The following NDUFAF6 variants were observed in gnomAD, a reference collection of about 807,000 sequenced individuals.
NDUFAF6 encodes the protein NADH:ubiquinone oxidoreductase complex assembly factor 6.
NDUFAF6 carries 45 observed loss-of-function variants against 40.8 expected under a neutral mutation model. The ratio of observed to expected loss-of-function variants is 1.10; its 90% CI spans 0.87 to 1.42. NDUFAF6 has a LOEUF of 1.42. NDUFAF6 is among the 40% of genes most tolerant of loss of function. NDUFAF6 has a pLI of 0.00. For synonymous variants in NDUFAF6, 185 were observed against 155.9 expected, an observed-to-expected ratio of 1.19 and a Z score of -1.39; for missense variants, 435 against 418.5, an observed-to-expected ratio of 1.04 and a Z score of -0.34.
At chr8:94,994,477 G>A (rs1211135525) in intron 2 of NDUFAF6, among the ~76,000 whole-genome samples, 1 of 151,872 alleles carries the variant, frequency 6.6e-6, no homozygotes, top group Non-Finnish European at 1.5e-5. Flanking sequence ...CTTCAACCTG[G>A]GAGGCAGAAG....
downstream of NDUFAF6, among the ~76,000 whole-genome samples, chr8:95,063,623 A>G (rs930800943): frequency 6.6e-6 from 1 of 152,140 alleles, no homozygotes; most frequent in Non-Finnish European, 1.5e-5. Flanking sequence ...AAACAAAAAA[A>G]CAGTCCTGCC....
At chr8:95,088,490 A>G (rs1809124184) in intron 2 of NDUFAF6, among the ~76,000 whole-genome samples, 1 of 151,954 alleles carries the variant, frequency 6.6e-6, no homozygotes, top group Non-Finnish European at 1.5e-5. Context: ...AAACACACCT[A>G]CCTCATCAGT....
At chr8:94,930,433 A>G (rs1820277270) in intron 1 of NDUFAF6, 2 of 1,609,012 alleles carry the variant, frequency 1.2e-6, no homozygotes, top group African/African-American at 2.7e-5. Context: ...ACATCCATAC[A>G]TGTAAGCACA....
downstream of NDUFAF6, among the ~76,000 whole-genome samples, chr8:95,078,301 G>T (rs939428044): frequency 6.6e-6 from 1 of 152,092 alleles, no homozygotes; most frequent in Non-Finnish European, 1.5e-5. Flanking sequence ...AATGCATAAT[G>T]TCATGTATCC....
chr8:95,001,429 C>G (rs924594091), intron 2 of NDUFAF6, among the ~76,000 whole-genome samples: 1 of 152,146 alleles, frequency 6.6e-6, no homozygotes, highest in Non-Finnish European at 1.5e-5. Flanking sequence ...GAGTTGAGCA[C>G]CAGGCCCTCA....
chr8:94,928,771 A>C (rs922611587), intron 1 of NDUFAF6: 2 of 152,260 alleles, frequency 1.3e-5, no homozygotes, highest in African/African-American at 4.8e-5. Flanking sequence ...TCTTCGCTGA[A>C]AGTCCCCCAG....
intron 8 of NDUFAF6, among the ~76,000 whole-genome samples, chr8:95,055,554 A>G (rs1237903558): frequency 6.6e-6 from 1 of 152,188 alleles, no homozygotes; most frequent in Non-Finnish European, 1.5e-5. Flanking sequence ...AATGTCATAA[A>G]GCTATTAAAA....
At chr8:94,990,990 C>T (rs868275221) in intron 2 of NDUFAF6, among the ~76,000 whole-genome samples, 4 of 152,236 alleles carry the variant, frequency 2.6e-5, no homozygotes, top group Admixed American at 6.5e-5. Flanking sequence ...ATTTTCCTCC[C>T]TGTACCTCTA....
intron 2 of NDUFAF6, among the ~76,000 whole-genome samples, chr8:94,985,747 T>G (rs1348153488): frequency 6.6e-6 from 1 of 150,546 alleles, no homozygotes; most frequent in Non-Finnish European, 1.5e-5. Flanking sequence ...TGTTGGCCAG[T>G]CTGGTCTCAA....
Position 95,052,182 on chromosome 8 carries a change from C to G in NDUFAF6, c.825C>G (p.Ser275=). Residue 275 remains serine (S), a synonymous_variant, in exon 8 of 9, where the codon TCC becomes TCG. Transcript: ENST00000396124. ...CTCCTCTTCCTTTTTAGGCTAGGTC[C>G]TTTCACAAAACTGTTCCTGTGAAAG... ...QAHLHLKHAR[S]FHKTVPVKAF... 6.2e-7 allele frequency: 1 copy of G among 1,614,100 alleles called. No homozygotes were observed. The highest frequency in any genetic ancestry group is 8.5e-7 in the Non-Finnish European group (1 of 1,179,994).
At chr8:95,113,513 C>T (rs969100542) in intron 4 of NDUFAF6, among the ~76,000 whole-genome samples, 1 of 152,174 alleles carries the variant, frequency 6.6e-6, no homozygotes, top group Non-Finnish European at 1.5e-5. Context: ...GGAATTGTAT[C>T]CAGGTTCCGG....
At chr8:94,918,220 C>A (rs1375094357) in intron 1 of NDUFAF6, among the ~76,000 whole-genome samples, 3 of 152,164 alleles carry the variant, frequency 2.0e-5, no homozygotes, top group Non-Finnish European at 4.4e-5. Context: ...GACACAAAAC[C>A]AGCCTCAAAG....
rs1832422333 is a variant in NDUFAF6, at chr8:95,058,134, A to G, written c.*197A>G. On this transcript the variant is annotated 3_prime_UTR_variant, in exon 9 of 9. Coordinates refer to ENST00000396124, the MANE Select transcript of NDUFAF6 (RefSeq NM_152416.4). ...CTGAGATTCTGGCAGAGGCACTGCC[A>G]TTGGCACCCCTGGCCCAGACAGTGT... 5 of 1,445,388 alleles carry G rather than the reference A, an allele frequency of 3.5e-6. No homozygotes were observed. Among genetic ancestry groups the G allele is most frequent in the Non-Finnish European group, 4.5e-6 (5 of 1,110,278 alleles). 89.5% of individuals were successfully genotyped at this position (1,445,388 alleles called of 1,614,324 possible).
chr8:95,005,269 G>A (rs1165778942), intron 2 of NDUFAF6, among the ~76,000 whole-genome samples: 1 of 152,082 alleles, frequency 6.6e-6, no homozygotes, highest in African/African-American at 2.4e-5. Flanking sequence ...ATCTTGAGAT[G>A]TGACAAAGAG....
At chr8:94,993,238 T>C (rs1312409614) in intron 2 of NDUFAF6, among the ~76,000 whole-genome samples, 1 of 152,138 alleles carries the variant, frequency 6.6e-6, no homozygotes, top group African/African-American at 2.4e-5. Context: ...TCTAACAAGC[T>C]CAGTTTTAAC....
chr8:94,981,362 C>T (rs934378264), intron 2 of NDUFAF6, among the ~76,000 whole-genome samples: 3 of 152,188 alleles, frequency 2.0e-5, no homozygotes, highest in Non-Finnish European at 4.4e-5. Context: ...AACTGTGAGC[C>T]TAATAAACCT....
chr8:94,913,289 C>T (rs1453437344), intron 1 of NDUFAF6, among the ~76,000 whole-genome samples: 4 of 152,132 alleles, frequency 2.6e-5, no homozygotes, highest in African/African-American at 9.7e-5. Flanking sequence ...CGTTGCCCCC[C>T]ATGTCATAAT....
chr8:95,094,417 AT>A lies in NDUFAF6; in HGVS notation n.214-6702del, dbSNP rs1307165885. 9.0e-3 allele frequency among the ~76,000 whole-genome samples: 559 copies of A among 61,996 alleles called. 2 individuals carry two copies. The highest frequency in any genetic ancestry group is 0.026 in the African/African-American group (405 of 15,732). 40.7% of individuals were successfully genotyped at this position (61,996 alleles called of 152,430 possible). The stretch of plus-strand genomic sequence containing the variant: ...TTTTCTTTCTTTTTTTTTTTTTTGG[AT>A]TTTTTTTTTTTTGAGACAGAGTCTC... On this transcript the variant is annotated intron_variant and non_coding_transcript_variant, in intron 2 of 5. Transcript: ENST00000523184.
chr8:95,046,297 G>T (rs1316440700), intron 5 of NDUFAF6, among the ~76,000 whole-genome samples: 1 of 152,016 alleles, frequency 6.6e-6, no homozygotes, highest in Admixed American at 6.6e-5. Context: ...TGCCCGCCTC[G>T]GCCTCCCAAA....
Sources: gnomAD v4.1 joint callset for allele counts (sites outside exome capture counted in the v4.1 genomes callset) on GRCh38, gnomAD v4.1.1 for gene constraint, MANE v1.5 for transcripts, NCBI Gene and HGNC (gene_info 2026-07-23, HGNC 2026-07-21) for gene names.